TDRD5: variants seen among roughly 807,000 people sequenced by gnomAD.
TDRD5 encodes tudor domain-containing protein 5.
Under a neutral mutation model 120.6 loss-of-function variants are expected in TDRD5, and 41 were observed. The ratio of observed to expected loss-of-function variants is 0.34; its 90% CI spans 0.26 to 0.44. TDRD5 has a LOEUF of 0.44. TDRD5 is among the 20% of genes least tolerant of loss of function. The pLI is 1.00. For synonymous variants in TDRD5, 430 were observed against 433.7 expected, an observed-to-expected ratio of 0.99 and a Z score of 0.11; for missense variants, 1,006 against 1,221.2, an observed-to-expected ratio of 0.82 and a Z score of 2.63.
Position 179,690,592 on chromosome 1 carries a change from GAAA to G in TDRD5, c.2861-102_2861-100del, listed in dbSNP as rs987909263. 2.7e-4 allele frequency: 401 copies of G among 1,479,560 alleles called. 2 individuals are homozygous for G. The South Asian group carries it at 3.3e-3, about 12-fold the overall frequency. The allele number at this position is 1,479,560 out of a possible 1,614,324, so 91.7% of individuals were successfully genotyped here. ...CATTGGTAATTGTCGCTACCTAACAGAAAATGATTGTAACACATATTAGTATAG... is the reference window on the plus strand; with the variant it reads ...CATTGGTAATTGTCGCTACCTAACAGATGATTGTAACACATATTAGTATAG... On this transcript the variant is annotated intron_variant, in intron 17 of 17. Coordinates refer to ENST00000444136, the MANE Select transcript of TDRD5 (RefSeq NM_001199085.3).
At chr1:179,628,121 T>C (rs1677230217) in intron 6 of TDRD5, among the ~76,000 whole-genome samples, 1 of 152,108 alleles carries the variant, frequency 6.6e-6, no homozygotes, top group African/African-American at 2.4e-5. Flanking sequence ...ATTATGCTAA[T>C]TTGCAGGAAA....
Position 179,640,333 on chromosome 1 carries a change from T to C in TDRD5, c.1734-46T>C, listed in dbSNP as rs1342055466. On this transcript the variant is annotated intron_variant, in intron 10 of 17. Transcript: ENST00000444136. ...TGGGTCATGCTAAGAGGTGCATTTA[T>C]ATATAGCAGGAAGATTGAACTTACA... The C allele has an allele frequency of 1.9e-6, 3 of 1,602,026 alleles. No homozygotes were observed. The African/African-American group carries it at 4.0e-5, about 21-fold the overall frequency.
chr1:179,617,171 A>T (rs999217540), intron 4 of TDRD5, among the ~76,000 whole-genome samples: 1 of 152,148 alleles, frequency 6.6e-6, no homozygotes, highest in African/African-American at 2.4e-5. Context: ...GCCCAAGAAA[A>T]TGTGAAAATA....
At chr1:179,638,029 C>T (rs960647020) in intron 9 of TDRD5, among the ~76,000 whole-genome samples, 22 of 152,212 alleles carry the variant, frequency 1.4e-4, no homozygotes, top group African/African-American at 3.4e-4. Flanking sequence ...AAGTGGCGTG[C>T]GCTGGGAACA....
chr1:179,662,262 A>G lies in TDRD5; in HGVS notation c.2481A>G (p.Ser827=). Residue 827 remains serine, a synonymous_variant, in exon 15 of 18, where the codon TCA becomes TCG. Coordinates refer to ENST00000444136, the MANE Select transcript of TDRD5 (RefSeq NM_001199085.3). ...GCCTTGGTGGAAAGAATCAGTATTC[A>G]TCATGTAAAGAAATGCCACAGAAGG... ...TASLGGKNQY[S]SCKEMPQKDW... is the part of the protein sequence containing the mutation. 1.2e-6 allele frequency: 2 copies of G among 1,607,714 alleles called. No homozygotes were observed. Among genetic ancestry groups the G allele is most frequent in the South Asian group, 1.1e-5 (1 of 89,946 alleles).
chr1:179,662,558 A>G lies in TDRD5; in HGVS notation c.2505+272A>G, dbSNP rs772853571. On this transcript the variant is annotated intron_variant, in intron 15 of 17. Coordinates refer to ENST00000444136, the MANE Select transcript of TDRD5 (RefSeq NM_001199085.3). ...TGCAGTGAGCCAAGATCATGCCACT[A>G]CATTCCACCAGCTTGGGTGACAGAG... is the stretch of plus-strand genomic sequence containing the variant. Among the ~76,000 whole-genome samples the G allele has an allele frequency of 3.3e-5, 5 of 152,224 alleles. No homozygotes were observed. The East Asian group carries it at 9.7e-4, about 29-fold the overall frequency.
chr1:179,618,722 T>A, intron 5 of TDRD5, 40 bp downstream of exon 5: 1 of 1,379,640 alleles, frequency 7.2e-7, no homozygotes, highest in Non-Finnish European at 9.9e-7. Flanking sequence ...AATAATTGAT[T>A]TATAAATTTA....
chr1:179,640,246 A>G, intron 10 of TDRD5, 133 bp from the exon 11 acceptor site: 1 of 1,126,310 alleles, frequency 8.9e-7, no homozygotes, highest in South Asian at 1.4e-5. Context: ...CTTTTACATG[A>G]CACTGAATTT....
chr1:179,645,540 CT>C (rs758882961), intron 11 of TDRD5, among the ~76,000 whole-genome samples: 3 of 152,184 alleles, frequency 2.0e-5, no homozygotes, highest in Admixed American at 6.5e-5. Flanking sequence ...ATGGTGGTGT[CT>C]TCTTAAAAAG....
intron 17 of TDRD5, among the ~76,000 whole-genome samples, chr1:179,684,566 G>T (rs1457483943): frequency 6.6e-6 from 1 of 152,156 alleles, no homozygotes; most frequent in African/African-American, 2.4e-5. Flanking sequence ...TATACCCAGT[G>T]ATGGGATGAC....
At chr1:179,625,800 A>T (rs1361974220) in intron 6 of TDRD5, among the ~76,000 whole-genome samples, 1 of 152,236 alleles carries the variant, frequency 6.6e-6, no homozygotes, top group African/African-American at 2.4e-5. Flanking sequence ...TTTGTACAAC[A>T]AAATACTATT....
At chr1:179,597,476 C>T (rs1029151210) in intron 4 of TDRD5, among the ~76,000 whole-genome samples, 4 of 151,762 alleles carry the variant, frequency 2.6e-5, no homozygotes, top group East Asian at 1.9e-4. Flanking sequence ...GGATTACAGG[C>T]GTCAGCCACC....
intron 11 of TDRD5, among the ~76,000 whole-genome samples, chr1:179,641,526 C>T (rs971849112): frequency 2.7e-5 from 4 of 150,864 alleles, no homozygotes; most frequent in South Asian, 2.1e-4. Context: ...AGCGAAACTC[C>T]GTCTCAGAAA....
intron 4 of TDRD5, among the ~76,000 whole-genome samples, chr1:179,599,927 A>G (rs73035980): frequency 0.03 from 4,510 of 152,274 alleles, 222 homozygotes; most frequent in African/African-American, 0.1. Flanking sequence ...AATTATGTAC[A>G]ATACATAATA....
intron 14 of TDRD5, among the ~76,000 whole-genome samples, chr1:179,661,145 T>C (rs1679291732): frequency 6.6e-6 from 1 of 152,208 alleles, no homozygotes; most frequent in Admixed American, 6.5e-5. Context: ...GAGTAGAACC[T>C]GTCTGGGCAT....
chr1:179,662,109 G>A lies in TDRD5; in HGVS notation c.2328G>A (p.Glu776=). 6.4e-7 allele frequency: 1 copy of A among 1,557,750 alleles called. No individual in the cohort carries two copies. The change falls in exon 15 of 18, where the codon GAG becomes GAA. Residue 776 remains glutamate, a synonymous_variant. Transcript: ENST00000444136. ...PNDLKEENED[E]IPTGMPCLES... ...TGTCTTCTGTTACATTTTAGGATGA[G>A]ATCCCCACTGGAATGCCATGCCTGG...
chr1:179,666,594 C>T (rs1679563330), intron 16 of TDRD5, among the ~76,000 whole-genome samples: 1 of 152,160 alleles, frequency 6.6e-6, no homozygotes, highest in African/African-American at 2.4e-5. Flanking sequence ...AGGCTTGCTC[C>T]CTGTGGTGTC....
chr1:179,629,138 C>T (rs919817599), intron 6 of TDRD5, among the ~76,000 whole-genome samples: 7 of 152,138 alleles, frequency 4.6e-5, no homozygotes, highest in African/African-American at 1.7e-4. Flanking sequence ...CACTATTTCT[C>T]ATCTGCTTGT....
intron 14 of TDRD5, among the ~76,000 whole-genome samples, chr1:179,656,466 G>A (rs1474483911): frequency 6.6e-6 from 1 of 151,960 alleles, no homozygotes; most frequent in South Asian, 2.1e-4. Context: ...TTTCTATTAT[G>A]GACAGTGTTT....
Sources: gnomAD v4.1 joint callset for allele counts (sites outside exome capture counted in the v4.1 genomes callset) on GRCh38, gnomAD v4.1.1 for gene constraint, MANE v1.5 for transcripts, NCBI Gene and HGNC (gene_info 2026-07-23, HGNC 2026-07-21) for gene names.